The following NTF3 variants were observed in gnomAD, a reference collection of about 807,000 sequenced individuals.
NTF3 encodes the protein neurotrophin-3.
A neutral mutation model predicts 26.3 loss-of-function variants in NTF3; 8 were observed. The ratio of observed to expected loss-of-function variants is 0.30; its 90% CI spans 0.18 to 0.55. The LOEUF is 0.55. Ranked by LOEUF, NTF3 falls within the 20% of genes least tolerant of loss-of-function variation. The probability of loss-of-function intolerance (pLI) is 0.93; values close to 1 mark genes in which losing one functional copy is unlikely to be tolerated. For missense variants in NTF3, 276 were observed against 352.9 expected, an observed-to-expected ratio of 0.78 and a Z score of 1.75; for synonymous variants, 154 against 145.5, an observed-to-expected ratio of 1.06 and a Z score of -0.42.
chr12:5,494,237 T>C lies in NTF3; in HGVS notation c.62T>C (p.Ile21Thr). The C allele has an allele frequency of 6.2e-7, 1 of 1,614,110 alleles. No individual in the cohort carries two copies. Among genetic ancestry groups the C allele is most frequent in the Non-Finnish European group, 8.5e-7 (1 of 1,180,016 alleles). Residue 21 changes from isoleucine (I) to threonine (T), a missense_variant, in exon 2 of 2, where the codon ATA becomes ACA. Ile to Thr is a moderately conservative substitution (Grantham distance 89). Transcript: ENST00000423158. The surrounding 1 kb of genome is among the most constrained non-coding windows in gnomAD (Gnocchi z 8.3). Reference sequence around the variant, plus strand: ...GTGATGTCCATCTTGTTTTATGTGATATTTCTCGCTTATCTCCGTGGCATC... The same window carrying C: ...GTGATGTCCATCTTGTTTTATGTGACATTTCTCGCTTATCTCCGTGGCATC... ...NKVMSILFYV[I>T]FLAYLRGIQG...
intron 1 of NTF3, among the ~76,000 whole-genome samples, chr12:5,471,271 G>A (rs977959321): frequency 9.2e-5 from 14 of 152,108 alleles, no homozygotes; most frequent in African/African-American, 3.1e-4. Context: ...TTCTCCTAGC[G>A]TCAACTAGTG....
chr12:5,432,193 CCTTT>C lies in NTF3; in HGVS notation c.-124_-121del, dbSNP rs551892435. 145 of 1,077,422 alleles carry C rather than the reference CCTTT, an allele frequency of 1.3e-4. No homozygotes were observed. The South Asian group carries it at 1.8e-3, about 13-fold the overall frequency. The allele number at this position is 1,077,422 out of a possible 1,614,324, so 66.7% of individuals were successfully genotyped here. On this transcript the variant is annotated 5_prime_UTR_variant, in exon 1 of 2. Coordinates refer to ENST00000423158, the MANE Select transcript of NTF3 (RefSeq NM_001102654.2). ...CCGGCGCAACTACTTTCTTCTCTCT[CCTTT>C]CTTTCTTCCTCTCCTTTTTCCCCTG...
intron 1 of NTF3, among the ~76,000 whole-genome samples, chr12:5,483,517 C>T (rs1940832747): frequency 6.6e-6 from 1 of 152,182 alleles, no homozygotes; most frequent in Non-Finnish European, 1.5e-5. Flanking sequence ...AAGATGACGG[C>T]TCATCTCCTG....
At chr12:5,474,926 A>G (rs1940704297) in intron 1 of NTF3, among the ~76,000 whole-genome samples, 1 of 152,156 alleles carries the variant, frequency 6.6e-6, no homozygotes, top group Non-Finnish European at 1.5e-5. Flanking sequence ...AGAAAATCCG[A>G]GAGGCTGGAG....
At chr12:5,471,559 T>A (rs1030892448) in intron 1 of NTF3, among the ~76,000 whole-genome samples, 1 of 151,952 alleles carries the variant, frequency 6.6e-6, no homozygotes, top group Non-Finnish European at 1.5e-5. Context: ...GTGCTGGCTG[T>A]TTATTGCAGG....
chr12:5,478,230 T>G (rs1476367965), intron 1 of NTF3, among the ~76,000 whole-genome samples: 2 of 152,232 alleles, frequency 1.3e-5, no homozygotes, highest in Non-Finnish European at 2.9e-5. Context: ...TCAACGTTTT[T>G]CAGAAGCCTA....
chr12:5,463,819 T>C (rs1451962202), intron 1 of NTF3, among the ~76,000 whole-genome samples: 1 of 152,240 alleles, frequency 6.6e-6, no homozygotes, highest in Non-Finnish European at 1.5e-5. Flanking sequence ...CAACTTGCTG[T>C]GTGACCTTAG....
intron 1 of NTF3, among the ~76,000 whole-genome samples, chr12:5,464,676 T>G (rs2061951668): frequency 6.6e-6 from 1 of 152,176 alleles, no homozygotes; most frequent in Admixed American, 6.5e-5. Flanking sequence ...CTTCAGAACC[T>G]CTGATCTAGA....
intron 1 of NTF3, among the ~76,000 whole-genome samples, chr12:5,432,865 CG>C (rs949572328): frequency 6.6e-5 from 10 of 151,858 alleles, no homozygotes; most frequent in African/African-American, 2.4e-4. Context: ...GACAGAACTC[CG>C]GGCGGGGAGG....
chr12:5,493,962 A>G (rs1307986286), intron 1 of NTF3, among the ~76,000 whole-genome samples: 4 of 151,940 alleles, frequency 2.6e-5, no homozygotes, highest in Non-Finnish European at 4.4e-5. Context: ...TGTAAATACA[A>G]CCCGTGCAAA....
chr12:5,455,533 AACACACAC>A (rs60429736), intron 1 of NTF3, among the ~76,000 whole-genome samples: 24,649 of 103,484 alleles, frequency 0.24, 2,878 homozygotes, highest in Middle Eastern at 0.31. Flanking sequence ...ACCCCTCCCC[AACACACAC>A]ACACACACAC....
intron 1 of NTF3, among the ~76,000 whole-genome samples, chr12:5,443,619 C>G (rs559436271): frequency 6.6e-6 from 1 of 152,304 alleles, no homozygotes; most frequent in African/African-American, 2.4e-5. Context: ...TTGTTCATAG[C>G]TCAAATCTAA....
At position 5,494,185 on chromosome 12, in the gene NTF3, C is replaced by G. The variant is rs763791768; in HGVS notation, c.19-9C>G. On this transcript the variant is annotated splice_polypyrimidine_tract_variant and intron_variant, in intron 1 of 1. Coordinates refer to ENST00000423158, the MANE Select transcript of NTF3 (RefSeq NM_001102654.2). This position sits in a 1 kb window ranked among gnomAD's most constrained non-coding sequence, Gnocchi z 8.3. ...GAGCCTGCTCTTAACACCTGTGTTT[C>G]CTTTTCAGATCTTACAGGTGAACAA... is the stretch of plus-strand genomic sequence containing the variant. 1 of 1,610,272 alleles carries G rather than the reference C, an allele frequency of 6.2e-7. No homozygotes were observed. Among genetic ancestry groups the G allele is most frequent in the East Asian group, 2.2e-5 (1 of 44,860 alleles).
chr12:5,455,180 T>G (rs1222492008), intron 1 of NTF3, among the ~76,000 whole-genome samples: 1 of 152,174 alleles, frequency 6.6e-6, no homozygotes, highest in Non-Finnish European at 1.5e-5. Context: ...GGCATGCATC[T>G]GCTGCCTGCC....
At chr12:5,466,985 C>T (rs924087800) in intron 1 of NTF3, among the ~76,000 whole-genome samples, 2 of 152,004 alleles carry the variant, frequency 1.3e-5, no homozygotes, top group African/African-American at 4.8e-5. Flanking sequence ...GTAATTCCAA[C>T]ACTTGGGAGG....
intron 1 of NTF3, among the ~76,000 whole-genome samples, chr12:5,450,811 T>C (rs1276000678): frequency 3.3e-5 from 5 of 152,232 alleles, no homozygotes; most frequent in African/African-American, 1.2e-4. Context: ...TATGATCTGA[T>C]TTTTCTATTA....
chr12:5,463,998 T>G (rs1344088748), intron 1 of NTF3, among the ~76,000 whole-genome samples: 1 of 152,218 alleles, frequency 6.6e-6, no homozygotes, highest in African/African-American at 2.4e-5. Flanking sequence ...CACATGAAAA[T>G]TAAAGCCAGG....
Position 5,494,209 on chromosome 12 carries a change from A to G in NTF3, c.34A>G (p.Lys12Glu). ...VTFATILQVNKVMSILFYVIF... is the reference protein window; with the variant it reads ...VTFATILQVNEVMSILFYVIF... ...TCCTTTTCAGATCTTACAGGTGAAC[A>G]AGGTGATGTCCATCTTGTTTTATGT... is the stretch of plus-strand genomic sequence containing the variant. The change falls in exon 2 of 2, where the codon AAG (lysine) becomes GAG (glutamate). Residue 12 changes from lysine to glutamate, a missense_variant. Coordinates refer to ENST00000423158, the MANE Select transcript of NTF3 (RefSeq NM_001102654.2). This position sits in a 1 kb window ranked among gnomAD's most constrained non-coding sequence, Gnocchi z 8.3. The G allele has an allele frequency of 6.2e-7, 1 of 1,613,510 alleles. No homozygotes were observed. The highest frequency in any genetic ancestry group is 8.5e-7 in the Non-Finnish European group (1 of 1,179,904).
intron 1 of NTF3, among the ~76,000 whole-genome samples, chr12:5,443,191 C>G (rs1459470856): frequency 2.0e-5 from 3 of 152,210 alleles, no homozygotes; most frequent in Non-Finnish European, 4.4e-5. Context: ...TTCTGGCAGT[C>G]CTGCCCTGTG....
Sources: allele counts gnomAD v4.1 joint callset (sites outside exome capture counted in the v4.1 genomes callset), GRCh38; gene constraint gnomAD v4.1.1; non-coding constraint Gnocchi (gnomAD v3.1); transcripts MANE v1.5; gene names NCBI Gene and HGNC (gene_info 2026-07-23, HGNC 2026-07-21).